Variants in FANCA observed in about 807,000 individuals in gnomAD.
FANCA encodes Fanconi anemia group A protein.
Under a neutral mutation model 194.3 loss-of-function variants are expected in FANCA, and 236 were observed. The ratio of observed to expected loss-of-function variants is 1.21; its 90% CI spans 1.09 to 1.35. FANCA has a LOEUF of 1.35. Among genes scored for constraint, FANCA ranks in the 40% most tolerant of loss-of-function variants. The pLI is 0.00. For synonymous variants in FANCA, 1,014 were observed against 715.8 expected (o/e 1.42, Z -6.65); for missense variants, 2,628 against 1,813.9 (o/e 1.45, Z -8.15).
intron 10 of FANCA, chr16:89,798,842 A>G: frequency 6.7e-7 from 1 of 1,502,808 alleles, no homozygotes; most frequent in Non-Finnish European, 8.8e-7. Flanking sequence ...AATCACACCC[A>G]GGGAAGGAGG....
At chr16:89,750,891 TTTGTTG>T (rs140776520) in intron 31 of FANCA, among the ~76,000 whole-genome samples, 9,004 of 152,036 alleles carry the variant, frequency 0.059, 397 homozygotes, top group East Asian at 0.21. Flanking sequence ...TCACAAGTCT[TTTGTTG>T]TTGTTGTTGT....
chr16:89,799,964 G>A lies in FANCA; in HGVS notation c.793-326C>T, dbSNP rs568829499. ...AGCTGAGATAGTGCCACTGCAGTCC[G>A]GCCCGGGCGAAAGAGCCAGACTCCG... On this transcript the variant is annotated intron_variant, in intron 8 of 42. Coordinates refer to ENST00000389301, the MANE Select transcript of FANCA (RefSeq NM_000135.4). Among the ~76,000 whole-genome samples, 5 of 152,250 alleles carry A rather than the reference G, an allele frequency of 3.3e-5. No homozygotes were observed. In the South Asian group the frequency reaches 6.2e-4, roughly 19 times the overall value.
At chr16:89,739,803 G>T in intron 39 of FANCA, 191 bp downstream of exon 39, 2 of 1,464,610 alleles carry the variant, frequency 1.4e-6, no homozygotes, top group Non-Finnish European at 1.8e-6. Context: ...CATTGGTCCT[G>T]GGGTTGACCA....
Position 89,784,971 on chromosome 16 carries a change from G to A in FANCA, c.1360-7C>T, listed in dbSNP as rs17232616. The A allele has an allele frequency of 5.2e-3, 8,406 of 1,608,154 alleles. 371 individuals carry two copies. In the African/African-American group the frequency reaches 0.1, roughly 19 times the overall value. ...GTGTGCTCCCAAAGGAGGCCTGTGTGGAGAGAAGAGCGTGAAGCCCAGGAC... is the reference window on the plus strand; with the variant it reads ...GTGTGCTCCCAAAGGAGGCCTGTGTAGAGAGAAGAGCGTGAAGCCCAGGAC... On this transcript the variant is annotated splice_region_variant and splice_polypyrimidine_tract_variant and intron_variant, in intron 14 of 42. Transcript: ENST00000389301.
At chr16:89,816,422 G>T in intron 1 of FANCA, 115 bp downstream of exon 1, 1 of 940,880 alleles carries the variant, frequency 1.1e-6, no homozygotes, top group Non-Finnish European at 1.4e-6. Context: ...AGCCCCCCGG[G>T]CGCGGCGTCC....
chr16:89,740,047 C>T lies in FANCA; in HGVS notation c.3881G>A (p.Cys1294Tyr). The T allele has an allele frequency of 3.7e-6, 6 of 1,614,208 alleles. No individual in the cohort carries two copies. The highest frequency in any genetic ancestry group is 5.1e-6 in the Non-Finnish European group (6 of 1,180,036). Reference sequence around the variant, plus strand: ...CCAGGATATCTTCCTCTTCTCTAAACACTCGAGGATTGCTGCACAAACGTG... The same window carrying T: ...CCAGGATATCTTCCTCTTCTCTAAATACTCGAGGATTGCTGCACAAACGTG... ...AFHVCAAILE[C>Y]LEKRKISWLA... Residue 1294 changes from cysteine (C) to tyrosine (Y), a missense_variant, in exon 39 of 43, where the codon TGT becomes TAT. Coordinates refer to ENST00000389301, the MANE Select transcript of FANCA (RefSeq NM_000135.4).
At chr16:89,757,031 T>C (rs113367126) in intron 30 of FANCA, among the ~76,000 whole-genome samples, 1,565 of 152,290 alleles carry the variant, frequency 0.01, 32 homozygotes, top group African/African-American at 0.036. Flanking sequence ...CAGGCTGGAA[T>C]GTAGTGGTGT....
chr16:89,808,502 C>G (rs1425809764), intron 5 of FANCA, 135 bp from the exon 6 acceptor site: 1 of 885,764 alleles, frequency 1.1e-6, no homozygotes, highest in African/African-American at 1.7e-5. Flanking sequence ...TAACCTCAAG[C>G]AAAAACTTAG....
chr16:89,752,594 T>C (rs1299424115), intron 30 of FANCA, among the ~76,000 whole-genome samples: 1 of 152,220 alleles, frequency 6.6e-6, no homozygotes, highest in Non-Finnish European at 1.5e-5. Flanking sequence ...TAATCATTAG[T>C]TGGTAGCAAT....
In FANCA at chr16:89,815,919, G is replaced by T. The variant is rs762962148; in HGVS notation, c.147C>A (p.Arg49=). ...RAQKLKESAV[R]LLRSHQDLNA... ...TCAGGTCCTGATGGCTTCGCAGGAG[G>T]CGCACAGCTGATTCCTTTAATTTCT... Residue 49 remains arginine, a synonymous_variant, in exon 2 of 43, where the codon CGC becomes CGA. Coordinates refer to ENST00000389301, the MANE Select transcript of FANCA (RefSeq NM_000135.4). The T allele has an allele frequency of 6.2e-7, 1 of 1,614,010 alleles. No homozygotes were observed. The highest frequency in any genetic ancestry group is 1.3e-5 in the African/African-American group (1 of 74,944).
At chr16:89,756,850 G>C (rs982408223) in intron 30 of FANCA, among the ~76,000 whole-genome samples, 1 of 152,178 alleles carries the variant, frequency 6.6e-6, no homozygotes, top group Non-Finnish European at 1.5e-5. Flanking sequence ...GCAGCCTAGA[G>C]AGACGATGCA....
chr16:89,802,264 CTA>C (rs1237733244), intron 8 of FANCA, among the ~76,000 whole-genome samples: 4 of 148,808 alleles, frequency 2.7e-5, no homozygotes, highest in Non-Finnish European at 5.9e-5. Context: ...CCACGCCCGG[CTA>C]TTTTTTTTTT....
chr16:89,810,969 G>T lies in FANCA; in HGVS notation c.386C>A (p.Ala129Glu), dbSNP rs577625130. ...CAGCAGCACAGGGTGACTGGTCTCC[G>T]CTGGAGCCGTGCAGATCTGTCCCAC... Reference protein sequence around the residue: ...SSVGQICTAPAETSHPVLLTV... With the variant: ...SSVGQICTAPEETSHPVLLTV... The change falls in exon 4 of 43, where the codon GCG (alanine) becomes GAG (glutamate). Residue 129 changes from alanine (A) to glutamate (E), a missense_variant. By Grantham distance (107) the Ala-to-Glu change is moderately radical (BLOSUM62 -1). Coordinates refer to ENST00000389301, the MANE Select transcript of FANCA (RefSeq NM_000135.4). 1 of 1,614,068 alleles carries T rather than the reference G, an allele frequency of 6.2e-7. No individual in the cohort carries two copies.
chr16:89,780,073 A>T, intron 17 of FANCA, 116 bp from the exon 18 acceptor site: 2 of 919,982 alleles, frequency 2.2e-6, no homozygotes, highest in Non-Finnish European at 3.5e-6. Context: ...TACACATTAA[A>T]GGTAAAGGCC....
chr16:89,762,404 G>A (rs576793979), intron 28 of FANCA, among the ~76,000 whole-genome samples: 13 of 149,890 alleles, frequency 8.7e-5, no homozygotes, highest in Admixed American at 8.0e-4. Context: ...CACCAGCCTA[G>A]GCAACATGGT....
At chr16:89,768,776 C>T (rs1175011512) in intron 26 of FANCA, among the ~76,000 whole-genome samples, 2 of 152,192 alleles carry the variant, frequency 1.3e-5, no homozygotes, top group African/African-American at 4.8e-5. Flanking sequence ...ATTTTGCTTT[C>T]TTCACCTGGA....
At chr16:89,749,694 G>T in intron 32 of FANCA, 36 bp downstream of exon 32, 1 of 1,595,228 alleles carries the variant, frequency 6.3e-7, no homozygotes, top group Non-Finnish European at 8.6e-7. Flanking sequence ...CCCTGCCCAG[G>T]TGGTGCTGCC....
At chr16:89,762,569 G>GAAAAA (rs59550802) in intron 28 of FANCA, 169 of 173,898 alleles carry the variant, frequency 9.7e-4, no homozygotes, top group East Asian at 1.8e-3. Context: ...CTATAAAAAG[G>GAAAAA]AAAAAAAAAA....
chr16:89,758,793 A>G, intron 29 of FANCA, 88 bp from the exon 30 acceptor site: 1 of 1,583,776 alleles, frequency 6.3e-7, no homozygotes, highest in Non-Finnish European at 8.6e-7. Flanking sequence ...ATAGTAAGGG[A>G]CACACAGCAC....
Sources: allele counts gnomAD v4.1 joint callset (sites outside exome capture counted in the v4.1 genomes callset), GRCh38; gene constraint gnomAD v4.1.1; transcripts MANE v1.5; gene names NCBI Gene and HGNC (gene_info 2026-07-23, HGNC 2026-07-21).